Variants in TMEM117 observed in about 807,000 individuals in gnomAD.
The protein encoded by TMEM117 is transmembrane protein 117.
In TMEM117, 27 loss-of-function variants were observed where a neutral mutation model predicts 52.4. The observed-to-expected ratio is 0.51, with a 90% CI of 0.38 to 0.71. The LOEUF (loss-of-function observed/expected upper bound fraction) is 0.71, where lower values mean the gene tolerates loss of function less well. TMEM117 is among the 30% of genes least tolerant of loss of function. TMEM117 has a pLI of 0.00. For missense variants in TMEM117, 556 were observed against 630.5 expected, an observed-to-expected ratio of 0.88 and a Z score of 1.26; for synonymous variants, 215 against 206.3, an observed-to-expected ratio of 1.04 and a Z score of -0.36.
intron 4 of TMEM117, among the ~76,000 whole-genome samples, chr12:44,194,417 A>G (rs1949392586): frequency 6.6e-6 from 1 of 152,220 alleles, no homozygotes; most frequent in Non-Finnish European, 1.5e-5. Flanking sequence ...CCGTTTTGCT[A>G]ATTTAAGTAT....
chr12:44,229,722 TG>T (rs1949909263), intron 5 of TMEM117, among the ~76,000 whole-genome samples: 1 of 152,134 alleles, frequency 6.6e-6, no homozygotes, highest in African/African-American at 2.4e-5. Flanking sequence ...CCAATTCCCC[TG>T]TTTAAGATAT....
At chr12:44,122,153 T>C (rs1025762272) in intron 3 of TMEM117, among the ~76,000 whole-genome samples, 4 of 151,708 alleles carry the variant, frequency 2.6e-5, no homozygotes, top group Non-Finnish European at 4.4e-5. Flanking sequence ...CAAACAATTC[T>C]CCTACCTCAG....
chr12:44,043,005 A>G (rs1161376568), intron 3 of TMEM117, among the ~76,000 whole-genome samples: 1 of 152,142 alleles, frequency 6.6e-6, no homozygotes, highest in East Asian at 1.9e-4. Flanking sequence ...ATTAGTCCTC[A>G]GCGTGAATTG....
intron 3 of TMEM117, chr12:44,009,338 C>A (rs575691558): frequency 4.5e-6 from 1 of 223,510 alleles, no homozygotes; most frequent in Non-Finnish European, 8.9e-6. Flanking sequence ...GAGATGACAG[C>A]TTCACAGATA....
At chr12:44,063,422 TATGTGGTTAAA>T (rs1947170200) in intron 3 of TMEM117, among the ~76,000 whole-genome samples, 1 of 152,124 alleles carries the variant, frequency 6.6e-6, no homozygotes, top group Non-Finnish European at 1.5e-5. Context: ...AGAAAGTTCC[TATGTGGTTAAA>T]TAGAATCCAA....
chr12:44,137,249 TA>T (rs1948504275), intron 3 of TMEM117, among the ~76,000 whole-genome samples: 1 of 152,104 alleles, frequency 6.6e-6, no homozygotes, highest in Non-Finnish European at 1.5e-5. Context: ...AGGGAAGCGA[TA>T]ACTTTCAAAA....
At chr12:44,232,967 A>G (rs1444521469) in intron 5 of TMEM117, among the ~76,000 whole-genome samples, 1 of 151,266 alleles carries the variant, frequency 6.6e-6, no homozygotes, top group East Asian at 1.9e-4. Flanking sequence ...CAAATTTCAT[A>G]TATTGATTTT....
chr12:44,228,546 T>A (rs1294100162), intron 5 of TMEM117, among the ~76,000 whole-genome samples: 2 of 152,092 alleles, frequency 1.3e-5, no homozygotes, highest in African/African-American at 2.4e-5. Flanking sequence ...CATAATGGCA[T>A]ATGTCATAAA....
intron 4 of TMEM117, among the ~76,000 whole-genome samples, chr12:44,179,266 A>G (rs978739670): frequency 2.3e-5 from 3 of 131,152 alleles, no homozygotes; most frequent in African/African-American, 3.3e-5. Context: ...GGCTTACACA[A>G]TTGGCTCACA....
intron 4 of TMEM117, among the ~76,000 whole-genome samples, chr12:44,193,685 A>G (rs1949384091): frequency 6.6e-6 from 1 of 152,232 alleles, no homozygotes; most frequent in African/African-American, 2.4e-5. Flanking sequence ...AACATAAAGT[A>G]TCCCCTGAGA....
At chr12:43,979,974 C>T (rs1349482120) in intron 3 of TMEM117, among the ~76,000 whole-genome samples, 1 of 152,140 alleles carries the variant, frequency 6.6e-6, no homozygotes, top group Non-Finnish European at 1.5e-5. Context: ...AATGCTTTTT[C>T]TTATCTCTTG....
At chr12:44,081,651 A>G (rs1947483178) in intron 3 of TMEM117, among the ~76,000 whole-genome samples, 1 of 152,118 alleles carries the variant, frequency 6.6e-6, no homozygotes, top group Non-Finnish European at 1.5e-5. Context: ...TGAAGCTTCC[A>G]TGATTATTGA....
At chr12:43,802,961 A>G in the TMEM117 span, among the ~76,000 whole-genome samples, 1 of 152,186 alleles carries the variant, frequency 6.6e-6, no homozygotes, top group African/African-American at 2.4e-5. Flanking sequence ...ATACACTGGT[A>G]TAGCCACTTT....
chr12:43,932,929 G>C (rs1038989396), intron 2 of TMEM117, among the ~76,000 whole-genome samples: 1 of 152,100 alleles, frequency 6.6e-6, no homozygotes. Context: ...GAATGCATAG[G>C]TACAAATAAT....
At chr12:44,041,070 C>T (rs1946789780) in intron 3 of TMEM117, among the ~76,000 whole-genome samples, 1 of 152,108 alleles carries the variant, frequency 6.6e-6, no homozygotes, top group Non-Finnish European at 1.5e-5. Context: ...ACAGAACACT[C>T]CAGTGAATGC....
intron 3 of TMEM117, among the ~76,000 whole-genome samples, chr12:44,037,472 G>A (rs1470127102): frequency 6.6e-6 from 1 of 152,084 alleles, no homozygotes; most frequent in Non-Finnish European, 1.5e-5. Flanking sequence ...CCCTCCAGAC[G>A]CTGGGCACTG....
At chr12:44,302,738 T>G (rs1204586953) in intron 6 of TMEM117, among the ~76,000 whole-genome samples, 1 of 152,190 alleles carries the variant, frequency 6.6e-6, no homozygotes, top group African/African-American at 2.4e-5. Flanking sequence ...GTGAGCATCA[T>G]GTAGAAGTTG....
At chr12:44,127,004 T>C (rs1392795364) in intron 3 of TMEM117, among the ~76,000 whole-genome samples, 1 of 152,152 alleles carries the variant, frequency 6.6e-6, no homozygotes, top group Non-Finnish European at 1.5e-5. Flanking sequence ...TTCAGAAATA[T>C]TGCGAAATCC....
intron 3 of TMEM117, among the ~76,000 whole-genome samples, chr12:43,982,274 C>T (rs908373810): frequency 6.6e-6 from 1 of 152,052 alleles, no homozygotes; most frequent in Non-Finnish European, 1.5e-5. Flanking sequence ...CCGAGGAATA[C>T]AAAATGATCA....
Sources: allele counts gnomAD v4.1 joint callset (sites outside exome capture counted in the v4.1 genomes callset), GRCh38; gene constraint gnomAD v4.1.1; transcripts MANE v1.5; gene names NCBI Gene and HGNC (gene_info 2026-07-23, HGNC 2026-07-21).